The following ASIP variants were observed in gnomAD, a reference collection of about 807,000 sequenced individuals.
ASIP encodes agouti-signaling protein.
A neutral mutation model predicts 10.3 loss-of-function variants in ASIP; 11 were observed. The ratio of observed to expected loss-of-function variants is 1.07; its 90% CI spans 0.68 to 1.78. The LOEUF (loss-of-function observed/expected upper bound fraction) is 1.78, where lower values mean the gene tolerates loss of function less well. Among genes scored for constraint, ASIP ranks in the 40% most tolerant of loss-of-function variants. ASIP has a pLI of 0.00. For synonymous variants in ASIP, 70 were observed against 70.8 expected, an observed-to-expected ratio of 0.99 and a Z score of 0.06; for missense variants, 180 against 169.2, an observed-to-expected ratio of 1.06 and a Z score of -0.35.
chr20:34,258,688 T>TATATATATATATATATATATACATAC (rs1277541256), intron 1 of ASIP, among the ~76,000 whole-genome samples: 1 of 66,574 alleles, frequency 1.5e-5, no homozygotes, highest in South Asian at 4.0e-4. Flanking sequence ...TATATATATA[T>TATATATATATATATATATATACATAC]ATACATACTA....
intron 2 of ASIP, 68 bp downstream of exon 2, chr20:34,260,602 G>T: frequency 6.8e-7 from 1 of 1,471,834 alleles, no homozygotes. Context: ...TGCTTCCCAG[G>T]GTGCTACCAG....
chr20:34,222,023 T>C lies in ASIP; in HGVS notation c.-11+27263T>C, dbSNP rs556007620. On this transcript the variant is annotated intron_variant, in intron 1 of 3. Coordinates refer to the ASIP transcript ENST00000568305. ...CACTTGGGAGGCTGAAGTGGGAGGA[T>C]TGCTTGATCCTGGGAGGTAGAGGCT... Among the ~76,000 whole-genome samples, 11 of 152,108 alleles carry C rather than the reference T, an allele frequency of 7.2e-5. No homozygotes were observed. In the South Asian group the frequency reaches 1.7e-3, roughly 23 times the overall value.
chr20:34,214,531 A>T (rs1302024467), intron 1 of ASIP: 2 of 1,505,062 alleles, frequency 1.3e-6, no homozygotes, highest in African/African-American at 1.4e-5. Context: ...TGCTACTTCA[A>T]CTTCCATGAA....
At chr20:34,258,781 A>AG (rs1555826996) in intron 1 of ASIP, among the ~76,000 whole-genome samples, 2,272 of 72,548 alleles carry the variant, frequency 0.031, 198 homozygotes, top group African/African-American at 0.21. Flanking sequence ...TATATATAGT[A>AG]TATATATAGT....
At chr20:34,256,917 AAC>A (rs1407946650) in intron 1 of ASIP, among the ~76,000 whole-genome samples, 7 of 152,122 alleles carry the variant, frequency 4.6e-5, no homozygotes, top group Non-Finnish European at 7.4e-5. Context: ...AGTAGCTGGG[AAC>A]ACAGTCTTGT....
intron 1 of ASIP, among the ~76,000 whole-genome samples, chr20:34,204,791 A>G (rs1040541076): frequency 2.6e-5 from 4 of 152,224 alleles, no homozygotes; most frequent in African/African-American, 9.6e-5. Context: ...ATCAGTTAAA[A>G]TGAGCCTGTG....
chr20:34,213,081 A>G (rs928062767), intron 1 of ASIP, among the ~76,000 whole-genome samples: 14 of 152,184 alleles, frequency 9.2e-5, no homozygotes, highest in African/African-American at 2.9e-4. Flanking sequence ...GACTTCTAAG[A>G]GGTGATTAGG....
intron 1 of ASIP, among the ~76,000 whole-genome samples, chr20:34,251,425 C>T (rs1037158082): frequency 2.0e-5 from 3 of 152,022 alleles, no homozygotes; most frequent in Non-Finnish European, 2.9e-5. Context: ...TGCCCGCCAC[C>T]ACGCCCGGCT....
intron 2 of ASIP, 141 bp from the exon 3 acceptor site, chr20:34,262,691 C>A: frequency 1.2e-6 from 1 of 857,336 alleles, no homozygotes; most frequent in Non-Finnish European, 1.9e-6. Flanking sequence ...TGGCTTGAGT[C>A]CTACAGTGTG....
intron 1 of ASIP, among the ~76,000 whole-genome samples, chr20:34,217,086 C>G (rs2035013577): frequency 6.6e-6 from 1 of 152,122 alleles, no homozygotes; most frequent in Admixed American, 6.5e-5. Context: ...CTTGTGAGAG[C>G]TGATCTCTTT....
the ASIP span, among the ~76,000 whole-genome samples, chr20:34,186,798 T>C: frequency 6.6e-6 from 1 of 151,394 alleles, no homozygotes; most frequent in East Asian, 2.0e-4. Context: ...CAGCAGTAGG[T>C]TGTTTTTGTT....
intron 2 of ASIP, among the ~76,000 whole-genome samples, chr20:34,261,590 T>C (rs1325545878): frequency 1.3e-5 from 2 of 151,640 alleles, no homozygotes; most frequent in African/African-American, 2.4e-5. Context: ...GCCATGATTG[T>C]GCCACTGCAC....
At chr20:34,267,175 G>C (rs911132501) in intron 3 of ASIP, among the ~76,000 whole-genome samples, 4 of 152,224 alleles carry the variant, frequency 2.6e-5, no homozygotes, top group Admixed American at 2.0e-4. Context: ...TGGTCTCATG[G>C]AGTTTACATT....
chr20:34,202,619 C>G (rs1362305868), intron 1 of ASIP, among the ~76,000 whole-genome samples: 1 of 151,920 alleles, frequency 6.6e-6, no homozygotes. Context: ...TATTATTAAT[C>G]CATTGTCTAT....
At chr20:34,216,019 G>A in intron 1 of ASIP, 1 of 679,188 alleles carries the variant, frequency 1.5e-6, no homozygotes, top group East Asian at 2.7e-5. Context: ...GTCAGCCAGC[G>A]GAACGGAGCC....
At chr20:34,264,301 C>T (rs2035747730) in intron 3 of ASIP, among the ~76,000 whole-genome samples, 1 of 152,156 alleles carries the variant, frequency 6.6e-6, no homozygotes, top group South Asian at 2.1e-4. Context: ...GTGAAGATAC[C>T]TCCTGTTGCC....
chr20:34,213,884 T>C, intron 1 of ASIP: 1 of 1,574,998 alleles, frequency 6.3e-7, no homozygotes, highest in Non-Finnish European at 8.7e-7. Context: ...GCTTTACTAG[T>C]TCGACTTGCA....
At chr20:34,235,899 A>AAGGAGGAGGGAGGGAAGAATGAAG (rs1491250719) in intron 1 of ASIP, among the ~76,000 whole-genome samples, 1 of 64,600 alleles carries the variant, frequency 1.5e-5, no homozygotes, top group African/African-American at 2.5e-4. Context: ...GGAAGGAAGG[A>AAGGAGGAGGGAGGGAAGAATGAAG]AAGGAAGGAA....
At chr20:34,258,239 C>T (rs545747181) in intron 1 of ASIP, among the ~76,000 whole-genome samples, 1 of 151,860 alleles carries the variant, frequency 6.6e-6, no homozygotes, top group South Asian at 2.1e-4. Flanking sequence ...TATTCCAATC[C>T]ATCATGATTC....
Sources: gnomAD v4.1 joint callset for allele counts (sites outside exome capture counted in the v4.1 genomes callset) on GRCh38, gnomAD v4.1.1 for gene constraint, MANE v1.5 for transcripts, NCBI Gene and HGNC (gene_info 2026-07-23, HGNC 2026-07-21) for gene names.